PCSK5: variants seen among roughly 807,000 people sequenced by gnomAD.
The protein encoded by PCSK5 is prohormone convertase 5.
Under a neutral mutation model 233.2 loss-of-function variants are expected in PCSK5, and 129 were observed. The ratio of observed to expected loss-of-function variants is 0.55; its 90% CI spans 0.48 to 0.64. The LOEUF is 0.64. Ranked by LOEUF, PCSK5 falls within the 30% of genes least tolerant of loss-of-function variation. PCSK5 has a pLI of 0.00. For synonymous variants in PCSK5, 825 were observed against 879.2 expected (o/e 0.94, Z 1.09); for missense variants, 2,076 against 2,430.1 (o/e 0.85, Z 3.06).
chr9:76,324,523 G>A (rs571898748), intron 32 of PCSK5, among the ~76,000 whole-genome samples: 3 of 152,128 alleles, frequency 2.0e-5, no homozygotes, highest in South Asian at 4.1e-4. Context: ...GAGCCACCGC[G>A]CCCAGCCTCC....
intron 10 of PCSK5, among the ~76,000 whole-genome samples, chr9:76,151,944 G>C (rs1311475629): frequency 1.3e-5 from 2 of 152,188 alleles, no homozygotes; most frequent in African/African-American, 4.8e-5. Context: ...TTTACAACCT[G>C]AGTGATATAA....
rs866758352 is a variant in PCSK5, at chr9:75,983,363, C to G, written c.298-2769C>G. ...TGGCAAATTCCAAAATAATGAGATA[C>G]AAGTTCAGCTGAGATTATGAGGGCA... On this transcript the variant is annotated intron_variant, in intron 2 of 37. Coordinates refer to ENST00000674117, the MANE Select transcript of PCSK5 (RefSeq NM_001372043.1). Among the ~76,000 whole-genome samples the G allele has an allele frequency of 2.0e-4, 31 of 152,142 alleles. No individual in the cohort carries two copies. The Middle Eastern group carries it at 0.014, about 67-fold the overall frequency.
chr9:76,126,167 CTGCGTGTGTGTGTATGTGTGTGTG>C (rs1832842270), intron 9 of PCSK5, among the ~76,000 whole-genome samples: 1 of 61,506 alleles, frequency 1.6e-5, no homozygotes, highest in South Asian at 4.5e-4. Flanking sequence ...TGATTTTTTC[CTGCGTGTGTGTGTATGTGTGTGTG>C]TGTGTGTGTG....
chr9:76,074,466 A>G (rs1830577436), intron 7 of PCSK5, among the ~76,000 whole-genome samples: 1 of 152,216 alleles, frequency 6.6e-6, no homozygotes, highest in South Asian at 2.1e-4. Context: ...ATAGCATTGC[A>G]CATCTAAATA....
chr9:76,277,863 G>A (rs2131382324), intron 24 of PCSK5, among the ~76,000 whole-genome samples: 1 of 152,150 alleles, frequency 6.6e-6, no homozygotes, highest in East Asian at 1.9e-4. Flanking sequence ...GCACTCTTTG[G>A]GAATATAAAT....
chr9:76,072,327 ATAT>A (rs903602039), intron 7 of PCSK5, among the ~76,000 whole-genome samples: 1 of 152,172 alleles, frequency 6.6e-6, no homozygotes, highest in African/African-American at 2.4e-5. Flanking sequence ...TCCCAGGACA[ATAT>A]TATTTGTGTT....
At chr9:76,244,649 C>CT (rs938580753) in intron 24 of PCSK5, among the ~76,000 whole-genome samples, 2 of 50,218 alleles carry the variant, frequency 4.0e-5, no homozygotes, top group African/African-American at 1.6e-4. Flanking sequence ...ACAAAAAAAA[C>CT]CCTCAAATTC....
rs1425795718 is a variant in PCSK5, at chr9:76,249,625, T to C, written c.3142+8941T>C. Among the ~76,000 whole-genome samples the C allele has an allele frequency of 7.2e-5, 11 of 152,272 alleles. No individual in the cohort carries two copies. In the South Asian group the frequency reaches 1.7e-3, roughly 23 times the overall value. ...AACAATACCAAGGCTCCTTAGAGAATTGGCTGATTTGGGGACTGGGACAGG... is the reference window on the plus strand; with the variant it reads ...AACAATACCAAGGCTCCTTAGAGAACTGGCTGATTTGGGGACTGGGACAGG... On this transcript the variant is annotated intron_variant, in intron 24 of 37. Transcript: ENST00000674117.
At chr9:76,040,371 C>CTCTCTGTCTCTCTG (rs1829055194) in intron 5 of PCSK5, among the ~76,000 whole-genome samples, 1 of 62,342 alleles carries the variant, frequency 1.6e-5, no homozygotes. Context: ...CTCTCTCTCT[C>CTCTCTGTCTCTCTG]TCTCTCTCTC....
rs527500634 is a variant in PCSK5, at chr9:76,360,255, C to T, written c.*1333C>T. 6 of 152,276 alleles carry T rather than the reference C, an allele frequency of 3.9e-5. No homozygotes were observed. Among genetic ancestry groups the T allele is most frequent in the African/African-American group, 1.4e-4 (6 of 41,542 alleles). The allele number at this position is 152,276 out of a possible 1,614,324, so 9.4% of individuals were successfully genotyped here. Reference sequence around the variant, plus strand: ...GATAACAAGCTAAGTAATTCCCCCCCAAAAATGCCCCACTTATCCATTTTG... The same window carrying T: ...GATAACAAGCTAAGTAATTCCCCCCTAAAAATGCCCCACTTATCCATTTTG... On this transcript the variant is annotated 3_prime_UTR_variant, in exon 38 of 38. Coordinates refer to ENST00000674117, the MANE Select transcript of PCSK5 (RefSeq NM_001372043.1).
At chr9:76,290,936 C>A (rs1828259257) in intron 24 of PCSK5, among the ~76,000 whole-genome samples, 1 of 152,186 alleles carries the variant, frequency 6.6e-6, no homozygotes, top group South Asian at 2.1e-4. Flanking sequence ...CATTTTACAC[C>A]CGCAGAAACC....
At chr9:76,198,550 A>G (rs1824786560) in intron 20 of PCSK5, among the ~76,000 whole-genome samples, 1 of 152,156 alleles carries the variant, frequency 6.6e-6, no homozygotes, top group Non-Finnish European at 1.5e-5. Context: ...TCTGTACAAC[A>G]CTGATTCCTT....
At position 76,289,500 on chromosome 9, in the gene PCSK5, CACACACACACGCAACAT is replaced by C. The variant is rs1325071755; in HGVS notation, c.3143-2722_3143-2706del. 4.1e-5 allele frequency among the ~76,000 whole-genome samples: 5 copies of C among 120,952 alleles called. 1 individual carries two copies. Among genetic ancestry groups the C allele is most frequent in the African/African-American group, 1.6e-4 (5 of 30,736 alleles). The allele number at this position is 120,952 out of a possible 152,430, so 79.3% of individuals were successfully genotyped here. On this transcript the variant is annotated intron_variant, in intron 24 of 37. Transcript: ENST00000674117. ...ACACACACACACACACACACACACA[CACACACACACGCAACAT>C]ACACACACACACACACACACACACA... is the stretch of plus-strand genomic sequence containing the variant.
chr9:75,956,491 C>G (rs953303520), intron 2 of PCSK5, among the ~76,000 whole-genome samples: 1 of 152,162 alleles, frequency 6.6e-6, no homozygotes, highest in Non-Finnish European at 1.5e-5. Flanking sequence ...ATGGCAGCCT[C>G]TGGGTAGACT....
intron 1 of PCSK5, among the ~76,000 whole-genome samples, chr9:75,925,503 A>G (rs1025274683): frequency 3.4e-4 from 52 of 152,344 alleles, no homozygotes; most frequent in African/African-American, 1.2e-3. Flanking sequence ...CTAACATTCT[A>G]GTGGGGAAAG....
chr9:76,058,791 G>A (rs537389969), intron 5 of PCSK5, among the ~76,000 whole-genome samples: 1 of 152,302 alleles, frequency 6.6e-6, no homozygotes, highest in South Asian at 2.1e-4. Context: ...TTTTTAAAGT[G>A]TTTAAATCAA....
At chr9:76,277,444 C>G (rs891141000) in intron 24 of PCSK5, among the ~76,000 whole-genome samples, 2 of 152,146 alleles carry the variant, frequency 1.3e-5, no homozygotes, top group African/African-American at 4.8e-5. Context: ...TATTCCATCA[C>G]TGGAATTAGA....
intron 7 of PCSK5, among the ~76,000 whole-genome samples, chr9:76,075,444 A>G (rs900363848): frequency 1.3e-4 from 19 of 151,948 alleles, no homozygotes; most frequent in East Asian, 3.9e-4. Flanking sequence ...TTCCCAAAGG[A>G]TGTTCCTCTA....
chr9:76,027,175 C>A, intron 5 of PCSK5, 138 bp downstream of exon 5: 1 of 574,412 alleles, frequency 1.7e-6, no homozygotes, highest in East Asian at 3.0e-5. Flanking sequence ...AAGTGTCTTT[C>A]CACTGAAGCC....
Sources: gnomAD v4.1 joint callset for allele counts (sites outside exome capture counted in the v4.1 genomes callset) on GRCh38, gnomAD v4.1.1 for gene constraint, MANE v1.5 for transcripts, NCBI Gene and HGNC (gene_info 2026-07-23, HGNC 2026-07-21) for gene names.